The following BTD variants were observed in gnomAD, a reference collection of about 807,000 sequenced individuals.
BTD encodes biocytinase.
Under a neutral mutation model 17.7 loss-of-function variants are expected in BTD, and 13 were observed. The ratio of observed to expected loss-of-function variants is 0.74; its 90% confidence interval spans 0.48 to 1.17. The LOEUF (loss-of-function observed/expected upper bound fraction) is 1.17, where lower values mean the gene tolerates loss of function less well. Ranked by LOEUF, BTD falls within the 50% of genes most tolerant of loss-of-function variation. BTD has a pLI of 0.00. For missense variants in BTD, 674 were observed against 650.4 expected (o/e 1.04, Z -0.39); for synonymous variants, 240 against 245.2 (o/e 0.98, Z 0.20).
rs116358215 is a variant in BTD, at chr3:15,608,382, G to A, written c.-17+6488G>A. Among the ~76,000 whole-genome samples, 761 of 152,266 alleles carry A rather than the reference G, an allele frequency of 5.0e-3. 8 individuals carry two copies. The highest frequency in any genetic ancestry group is 0.017 in the African/African-American group (703 of 41,534). Reference sequence around the variant, plus strand: ...CAGCAGCAGTCATTACATCACTGACGAGGACGTTTACTTGTGTAAAATGCA... The same window carrying A: ...CAGCAGCAGTCATTACATCACTGACAAGGACGTTTACTTGTGTAAAATGCA... On this transcript the variant is annotated intron_variant, in intron 1 of 3. Transcript: ENST00000643237.
At chr3:15,621,045 A>G (rs2064939011) in intron 1 of BTD, among the ~76,000 whole-genome samples, 1 of 152,244 alleles carries the variant, frequency 6.6e-6, no homozygotes. Flanking sequence ...CAGGAGAGGA[A>G]GGGTATATCC....
downstream of BTD, among the ~76,000 whole-genome samples, chr3:15,656,447 G>A (rs1351676916): frequency 6.6e-6 from 1 of 152,166 alleles, no homozygotes; most frequent in Non-Finnish European, 1.5e-5. Flanking sequence ...TCATGCGGGA[G>A]GGACACAGAG....
In BTD at chr3:15,652,048, A is replaced by C. The variant is rs1276019416; in HGVS notation, c.*6560A>C. ...AATTGGGTTATAAAAGGTACTGCAG[A>C]CCGGGCACGGTGGCTTACGCCTGTA... On this transcript the variant is annotated 3_prime_UTR_variant, in exon 4 of 4. Coordinates refer to ENST00000643237, the MANE Select transcript of BTD (RefSeq NM_001370658.1). Among the ~76,000 whole-genome samples the C allele has an allele frequency of 6.6e-6, 1 of 152,086 alleles. No homozygotes were observed. The highest frequency in any genetic ancestry group is 1.5e-5 in the Non-Finnish European group (1 of 67,992).
intron 3 of BTD, among the ~76,000 whole-genome samples, chr3:15,705,156 A>G (rs1180295525): frequency 6.6e-6 from 1 of 152,208 alleles, no homozygotes; most frequent in African/African-American, 2.4e-5. Context: ...ACTGAGGATT[A>G]AATATTTAAA....
upstream of BTD, chr3:15,601,466 T>C (rs1218113872): frequency 6.2e-7 from 1 of 1,612,628 alleles, no homozygotes; most frequent in Admixed American, 1.7e-5. Flanking sequence ...TCCGGCATCT[T>C]CCACCGAAAA....
chr3:15,718,955 C>T (rs2455839), intron 4 of BTD, among the ~76,000 whole-genome samples: 102,014 of 152,060 alleles, frequency 0.67, 34,688 homozygotes, highest in East Asian at 0.91. Context: ...TTTCTGGGCC[C>T]TGATTATCCA....
chr3:15,616,720 T>C (rs2125377154), intron 1 of BTD, among the ~76,000 whole-genome samples: 1 of 152,364 alleles, frequency 6.6e-6, no homozygotes, highest in African/African-American at 2.4e-5. Flanking sequence ...TGGTATCTAA[T>C]TTTTAATTTG....
rs1018977290 is a variant in BTD, at chr3:15,635,755, G to A, written c.249+67G>A. On this transcript the variant is annotated intron_variant, in intron 2 of 3. Coordinates refer to ENST00000643237, the MANE Select transcript of BTD (RefSeq NM_001370658.1). This position sits in a 1 kb window ranked among gnomAD's most constrained non-coding sequence, Gnocchi z 4.1. The stretch of plus-strand genomic sequence containing the variant: ...CAGATTGCTCTTTACCCCTTGATCA[G>A]TGGTTGGGTAATCCCAGGCTTCCTA... 4 of 1,608,736 alleles carry A rather than the reference G, an allele frequency of 2.5e-6. No individual in the cohort carries two copies. In the Admixed American group the frequency reaches 6.7e-5, roughly 27 times the overall value.
chr3:15,601,964 CG>C, intron 1 of BTD, 70 bp downstream of exon 1: 1 of 1,590,628 alleles, frequency 6.3e-7, no homozygotes, highest in Non-Finnish European at 8.6e-7. Flanking sequence ...CCGCCCCGGG[CG>C]CCCAGTTGGA....
chr3:15,683,261 A>G (rs1459942994), intron 3 of BTD, among the ~76,000 whole-genome samples: 4 of 152,198 alleles, frequency 2.6e-5, no homozygotes, highest in Non-Finnish European at 5.9e-5. Context: ...TTTTTACAGA[A>G]ACACAACTCA....
downstream of BTD, among the ~76,000 whole-genome samples, chr3:15,716,634 A>G (rs1359412851): frequency 6.6e-6 from 1 of 152,124 alleles, no homozygotes; most frequent in Non-Finnish European, 1.5e-5. Flanking sequence ...TTCCATTGAT[A>G]AGAAGGATAA....
downstream of BTD, among the ~76,000 whole-genome samples, chr3:15,716,508 T>C (rs539223332): frequency 3.3e-5 from 5 of 152,216 alleles, no homozygotes; most frequent in Non-Finnish European, 7.4e-5. Context: ...GGTTTTGAAC[T>C]CTTGGGCTCA....
intron 3 of BTD, among the ~76,000 whole-genome samples, chr3:15,683,449 C>T (rs552929997): frequency 3.3e-5 from 5 of 152,074 alleles, no homozygotes; most frequent in South Asian, 2.1e-4. Context: ...CTTGCCTTAG[C>T]GAGTAGAAAT....
At chr3:15,677,019 A>T in intron 3 of BTD, 1 of 1,613,402 alleles carries the variant, frequency 6.2e-7, no homozygotes, top group Non-Finnish European at 8.5e-7. Flanking sequence ...TCTATCTGTT[A>T]TCTTTTCCAG....
At chr3:15,654,656 C>T (rs1269190030), downstream of BTD, among the ~76,000 whole-genome samples, 1 of 152,070 alleles carries the variant, frequency 6.6e-6, no homozygotes, top group Non-Finnish European at 1.5e-5. Context: ...ACTGCACCCT[C>T]TGCCTCCCGG....
intron 3 of BTD, among the ~76,000 whole-genome samples, chr3:15,663,090 C>T (rs952027269): frequency 2.0e-5 from 3 of 151,914 alleles, no homozygotes; most frequent in Admixed American, 6.6e-5. Flanking sequence ...CTCCACCTCC[C>T]GGTTTCAAGT....
chr3:15,605,940 GA>G (rs1390605292), intron 1 of BTD, among the ~76,000 whole-genome samples: 1 of 149,142 alleles, frequency 6.7e-6, no homozygotes, highest in African/African-American at 2.5e-5. Flanking sequence ...CTATTCGGGA[GA>G]CTGAGGTGGG....
chr3:15,679,225 C>T, intron 3 of BTD: 6 of 1,403,698 alleles, frequency 4.3e-6, no homozygotes, highest in Non-Finnish European at 6.1e-6. Context: ...CCACTTCAGC[C>T]TCCCAGATTG....
chr3:15,676,122 A>G (rs2066910313), intron 3 of BTD: 1 of 579,460 alleles, frequency 1.7e-6, no homozygotes, highest in African/African-American at 1.9e-5. Context: ...ACCTAGTCCT[A>G]ATAACAAAGA....
Sources: gnomAD v4.1 joint callset for allele counts (sites outside exome capture counted in the v4.1 genomes callset) on GRCh38, gnomAD v4.1.1 for gene constraint, Gnocchi (gnomAD v3.1) non-coding constraint, MANE v1.5 for transcripts, NCBI Gene and HGNC (gene_info 2026-07-23, HGNC 2026-07-21) for gene names.